PITPNM3: variants seen among roughly 807,000 people sequenced by gnomAD.
PITPNM3 encodes the protein membrane-associated phosphatidylinositol transfer protein 3.
A neutral mutation model predicts 102.0 loss-of-function variants in PITPNM3; 26 were observed. That is an observed-to-expected ratio of 0.25 (90% CI 0.19 to 0.35). PITPNM3 has a LOEUF of 0.35. Among genes scored for constraint, PITPNM3 ranks in the 10% least tolerant of loss-of-function variants. The pLI is 1.00. For synonymous variants in PITPNM3, 578 were observed against 558.6 expected, an observed-to-expected ratio of 1.03 and a Z score of -0.49; for missense variants, 1,083 against 1,346.1, an observed-to-expected ratio of 0.80 and a Z score of 3.06.
chr17:6,520,404 T>A (rs1382431688), intron 3 of PITPNM3, among the ~76,000 whole-genome samples: 17 of 152,256 alleles, frequency 1.1e-4, no homozygotes, highest in Non-Finnish European at 1.5e-5. Context: ...AAATAAATTA[T>A]GGTACAACTA....
chr17:6,488,972 A>C (rs1906265293), intron 4 of PITPNM3, among the ~76,000 whole-genome samples: 1 of 152,172 alleles, frequency 6.6e-6, no homozygotes, highest in South Asian at 2.1e-4. Flanking sequence ...CCGCAGTGCC[A>C]GCTCCCAGTG....
rs1252257099 is a variant in PITPNM3 at position 6,461,303 on chromosome 17, G to T, written c.2490+70C>A. 1.9e-6 allele frequency: 3 copies of T among 1,541,276 alleles called. No homozygotes were observed. The South Asian group carries it at 3.3e-5, about 17-fold the overall frequency. On this transcript the variant is annotated intron_variant, in intron 18 of 19. Coordinates refer to ENST00000262483, the MANE Select transcript of PITPNM3 (RefSeq NM_031220.4). ...ACAAGGCCCCACCCGGGAGGAGGGA[G>T]ATGGGGAGCGGTGGAGAGGAGGGCT...
In PITPNM3 at chr17:6,503,444, G is replaced by A; in HGVS notation, c.274+83C>T. ...ATCCTGCCATCCTTTCAGGCTCTGA[G>A]TGGATGAGAGGGGACCCAGGCTCAA... On this transcript the variant is annotated intron_variant, in intron 4 of 19. Coordinates refer to ENST00000262483, the MANE Select transcript of PITPNM3 (RefSeq NM_031220.4). 4 of 1,453,048 alleles carry A rather than the reference G, an allele frequency of 2.8e-6. No homozygotes were observed. The South Asian group carries it at 4.6e-5, about 17-fold the overall frequency. The allele number at this position is 1,453,048 out of a possible 1,614,324, so 90.0% of individuals were successfully genotyped here. A position where few individuals can be genotyped will look rare whatever the true frequency, so the allele number is the denominator to read the frequency against.
intron 6 of PITPNM3, among the ~76,000 whole-genome samples, chr17:6,483,013 C>T (rs920069848): frequency 6.6e-6 from 1 of 151,552 alleles, no homozygotes; most frequent in African/African-American, 2.4e-5. Context: ...GGTGCAATCT[C>T]GGTTTACTGC....
rs1386595974 is a variant in PITPNM3, at chr17:6,451,501, C to T, written c.*3837G>A. 1.3e-5 allele frequency: 2 copies of T among 152,196 alleles called. No homozygotes were observed. The highest frequency in any genetic ancestry group is 2.9e-5 in the Non-Finnish European group (2 of 68,030). The allele number at this position is 152,196 out of a possible 1,614,324, so 9.4% of individuals were successfully genotyped here. A position where few individuals can be genotyped will look rare whatever the true frequency, so the allele number is the denominator to read the frequency against. Reference sequence around the variant, plus strand: ...GTCACAGATAATACTGAAAGTTACACACTTAGGAACAGTCAGACCACAGAC... The same window carrying T: ...GTCACAGATAATACTGAAAGTTACATACTTAGGAACAGTCAGACCACAGAC... On this transcript the variant is annotated 3_prime_UTR_variant, in exon 20 of 20. Transcript: ENST00000262483.
chr17:6,473,287 A>T, intron 10 of PITPNM3: 1 of 245,060 alleles, frequency 4.1e-6, no homozygotes, highest in South Asian at 5.0e-5. Flanking sequence ...CTAGAGTTCC[A>T]GGTTTGCCAG....
rs549893014 is a variant in PITPNM3, at chr17:6,551,462, A to G, written c.22+4923T>C. ...GGGGACCAAAGAAAGTGAGTTTACC[A>G]TCTCCTTGCAGGATGCAATGCCCGT... is the stretch of plus-strand genomic sequence containing the variant. On this transcript the variant is annotated intron_variant, in intron 1 of 19. Coordinates refer to ENST00000262483, the MANE Select transcript of PITPNM3 (RefSeq NM_031220.4). Among the ~76,000 whole-genome samples the G allele has an allele frequency of 1.8e-4, 27 of 152,248 alleles. No individual in the cohort carries two copies. The South Asian group carries it at 4.6e-3, about 26-fold the overall frequency.
chr17:6,529,837 TC>T (rs1909043374), intron 2 of PITPNM3, among the ~76,000 whole-genome samples: 1 of 152,130 alleles, frequency 6.6e-6, no homozygotes, highest in Admixed American at 6.5e-5. Context: ...ATACCATGAC[TC>T]CCTCTTCCTT....
chr17:6,510,215 G>T (rs543720065), intron 3 of PITPNM3, among the ~76,000 whole-genome samples: 32 of 152,184 alleles, frequency 2.1e-4, no homozygotes, highest in African/African-American at 7.5e-4. Context: ...TTATGCTTGG[G>T]GTTTTTATAT....
At chr17:6,516,876 A>T (rs1908220188) in intron 3 of PITPNM3, among the ~76,000 whole-genome samples, 1 of 152,074 alleles carries the variant, frequency 6.6e-6, no homozygotes, top group Non-Finnish European at 1.5e-5. Flanking sequence ...TTAAAAAAAG[A>T]AAGAAAGAAA....
rs1160961516 is a variant in PITPNM3, at chr17:6,452,607, T to C, written c.*2731A>G. On this transcript the variant is annotated 3_prime_UTR_variant, in exon 20 of 20. Transcript: ENST00000262483. Reference sequence around the variant, plus strand: ...GACAAAACTGAGCAAACCGCTAGTGTAGAAAGAGCATATGCATTACACAGT... The same window carrying C: ...GACAAAACTGAGCAAACCGCTAGTGCAGAAAGAGCATATGCATTACACAGT... 6.6e-6 allele frequency: 1 copy of C among 152,220 alleles called. No individual in the cohort carries two copies. The highest frequency in any genetic ancestry group is 1.5e-5 in the Non-Finnish European group (1 of 68,062). The allele number at this position is 152,220 out of a possible 1,614,324, so 9.4% of individuals were successfully genotyped here.
chr17:6,552,654 T>C (rs546631265), intron 1 of PITPNM3, among the ~76,000 whole-genome samples: 2 of 152,088 alleles, frequency 1.3e-5, no homozygotes, highest in South Asian at 4.1e-4. Context: ...CCCCTACCCA[T>C]AGCAGTCCTC....
In PITPNM3 at chr17:6,517,897, G is replaced by A. The variant is rs527887441; in HGVS notation, c.226+7459C>T. Among the ~76,000 whole-genome samples the A allele has an allele frequency of 9.2e-5, 14 of 152,172 alleles. No individual in the cohort carries two copies. The highest frequency in any genetic ancestry group is 5.8e-4 in the East Asian group (3 of 5,184). On this transcript the variant is annotated intron_variant, in intron 3 of 19. Coordinates refer to ENST00000262483, the MANE Select transcript of PITPNM3 (RefSeq NM_031220.4). This position sits in a 1 kb window ranked among gnomAD's most constrained non-coding sequence, Gnocchi z 4.1. ...TTTCAAATGTATGTTAAAACTGTAC[G>A]TTTCTAGAACTACAAAAAAAGGAGG...
chr17:6,460,636 T>C (rs1447934791), intron 18 of PITPNM3: 1 of 152,438 alleles, frequency 6.6e-6, no homozygotes, highest in African/African-American at 2.4e-5. Context: ...TCATGAAATA[T>C]CATTCTTTTG....
At chr17:6,526,439 T>A (rs1908839306) in intron 2 of PITPNM3, among the ~76,000 whole-genome samples, 1 of 152,194 alleles carries the variant, frequency 6.6e-6, no homozygotes, top group Non-Finnish European at 1.5e-5. Context: ...CAAAGGGTGT[T>A]GAGGACAATC....
chr17:6,486,443 G>A (rs1906100511), intron 4 of PITPNM3, among the ~76,000 whole-genome samples: 1 of 152,164 alleles, frequency 6.6e-6, no homozygotes, highest in African/African-American at 2.4e-5. Context: ...CCAGCCCCAG[G>A]GGAGGGTACC....
Position 6,455,470 on chromosome 17 carries a change from C to A in PITPNM3, c.2793G>T (p.Gln931His). 2 of 1,605,000 alleles carry A rather than the reference C, an allele frequency of 1.2e-6. No homozygotes were observed. Among genetic ancestry groups the A allele is most frequent in the Non-Finnish European group, 1.7e-6 (2 of 1,179,466 alleles). The change falls in exon 20 of 20, where the codon CAG becomes CAT. Residue 931 changes from glutamine (Q) to histidine (H), a missense_variant. Around this residue, in one of 5 missense-constraint regions of PITPNM3, gnomAD observed 208 missense variants for 178.2 expected, o/e 1.17. Transcript: ENST00000262483. ...TGGGGTTGGCGGCGGGCGGGTCGGG[C>A]TGCTGCACTGACATGGTTCTGCGCA... is the stretch of plus-strand genomic sequence containing the variant. ...NHLRRTMSVQ[Q>H]PDPPAANPKP...
intron 3 of PITPNM3, among the ~76,000 whole-genome samples, chr17:6,511,488 G>A (rs897710820): frequency 6.6e-6 from 1 of 152,220 alleles, no homozygotes; most frequent in African/African-American, 2.4e-5. Context: ...TCTAAGGAGG[G>A]AGGCAGGACT....
At chr17:6,482,032 C>G (rs866873879) in intron 6 of PITPNM3, among the ~76,000 whole-genome samples, 860 of 75,466 alleles carry the variant, frequency 0.011, 27 homozygotes, top group Middle Eastern at 0.015. Flanking sequence ...CTCTCTCTCT[C>G]TCTGTCTGTC....
Sources: allele counts gnomAD v4.1 joint callset (sites outside exome capture counted in the v4.1 genomes callset), GRCh38; gene constraint gnomAD v4.1.1; regional missense constraint gnomAD v4.1.1; non-coding constraint Gnocchi (gnomAD v3.1); transcripts MANE v1.5; gene names NCBI Gene and HGNC (gene_info 2026-07-23, HGNC 2026-07-21).